The following PPEF2 variants were observed in gnomAD, a reference collection of about 807,000 sequenced individuals.
PPEF2 encodes protein phosphatase with EF-hand domain 2, also known as serine/threonine-protein phosphatase with EF-hands 2.
In PPEF2, 84 loss-of-function variants were observed where a neutral mutation model predicts 84.7. The ratio of observed to expected loss-of-function variants is 0.99; its 90% confidence interval spans 0.83 to 1.19. PPEF2 has a LOEUF of 1.19. Ranked by LOEUF, PPEF2 falls within the 50% of genes most tolerant of loss-of-function variation. The pLI is 0.00. For synonymous variants in PPEF2, 346 were observed against 345.2 expected (o/e 1.00, Z -0.03); for missense variants, 924 against 937.5 (o/e 0.99, Z 0.19).
intron 2 of PPEF2, among the ~76,000 whole-genome samples, chr4:75,895,858 G>T (rs545641091): frequency 6.6e-6 from 1 of 151,838 alleles, no homozygotes; most frequent in Admixed American, 6.6e-5. Flanking sequence ...TTACAGGTGT[G>T]ACCCACAACT....
intron 10 of PPEF2, chr4:75,881,389 C>T (rs1280368907): frequency 6.6e-6 from 1 of 152,082 alleles, no homozygotes; most frequent in Non-Finnish European, 1.5e-5. Context: ...TGAGCCATCA[C>T]ACCCGGCCCT....
intron 13 of PPEF2, among the ~76,000 whole-genome samples, chr4:75,868,890 T>C (rs1724199048): frequency 6.6e-6 from 1 of 152,086 alleles, no homozygotes; most frequent in East Asian, 1.9e-4. Flanking sequence ...ATGCCTGTAA[T>C]CTCAGTTACT....
At chr4:75,871,200 G>A (rs1323822769) in intron 13 of PPEF2, among the ~76,000 whole-genome samples, 4 of 152,056 alleles carry the variant, frequency 2.6e-5, no homozygotes, top group South Asian at 2.1e-4. Flanking sequence ...GATTACAGGC[G>A]TGAGCCACCG....
chr4:75,900,771 A>T (rs1358546183), intron 1 of PPEF2, among the ~76,000 whole-genome samples: 1 of 152,248 alleles, frequency 6.6e-6, no homozygotes. Flanking sequence ...AATAATTATC[A>T]GTAAAGAATC....
In PPEF2 at chr4:75,872,085, G is replaced by A; in HGVS notation, c.1589C>T (p.Thr530Ile). The change falls in exon 13 of 17, where the codon ACC becomes ATC. Residue 530 changes from threonine (T) to isoleucine (I), a missense_variant. Thr to Ile is a moderately conservative substitution (Grantham distance 89). Coordinates refer to ENST00000286719, the MANE Select transcript of PPEF2 (RefSeq NM_006239.3). ...GAYVKLGPAL[T>I]PHIVQYQANK... ...AGCTTGATACTGCACAATATGTGGG[G>A]TCAGGGCTGGCCCCAGTTTGACATA... The A allele has an allele frequency of 6.2e-7, 1 of 1,613,876 alleles. No individual in the cohort carries two copies. The highest frequency in any genetic ancestry group is 1.1e-5 in the South Asian group (1 of 91,058).
intron 1 of PPEF2, among the ~76,000 whole-genome samples, chr4:75,897,822 C>A (rs79066586): frequency 1.3e-5 from 2 of 152,104 alleles, no homozygotes; most frequent in Non-Finnish European, 2.9e-5. Flanking sequence ...CCTCGTCTGC[C>A]GAGACCAGCT....
At chr4:75,893,362 G>C (rs1724933804) in intron 2 of PPEF2, among the ~76,000 whole-genome samples, 1 of 152,188 alleles carries the variant, frequency 6.6e-6, no homozygotes, top group Non-Finnish European at 1.5e-5. Flanking sequence ...GCTGGGCATG[G>C]TGGCAGGCAT....
intron 12 of PPEF2, 63 bp downstream of exon 12, chr4:75,873,064 C>A: frequency 6.8e-7 from 1 of 1,468,924 alleles, no homozygotes. Flanking sequence ...CTCATCCAGG[C>A]CTGAGCCCTT....
intron 10 of PPEF2, 115 bp downstream of exon 10, chr4:75,882,811 T>A: frequency 8.4e-7 from 1 of 1,184,564 alleles, no homozygotes; most frequent in Non-Finnish European, 1.2e-6. Flanking sequence ...CTTAATGGCC[T>A]CCACACTCTT....
Position 75,876,293 on chromosome 4 carries a change from C to A in PPEF2, c.1314G>T (p.Trp438Cys). The A allele has an allele frequency of 6.2e-7, 1 of 1,602,084 alleles. No individual in the cohort carries two copies. Among genetic ancestry groups the A allele is most frequent in the Non-Finnish European group, 8.5e-7 (1 of 1,173,546 alleles). The change falls in exon 11 of 17, where the codon TGG becomes TGT. Residue 438 changes from tryptophan to cysteine, a missense_variant. By Grantham distance (215) the Trp-to-Cys change is radical. Coordinates refer to ENST00000286719, the MANE Select transcript of PPEF2 (RefSeq NM_006239.3). ...AGCGCCTGGCCACGCTCACCTGCCT[C>A]CACTCCTCCTGAGTGGGCTTCCGCA... is the stretch of plus-strand genomic sequence containing the variant. ...GELRKPTQEE[W>C]RQVVDILWSD...
Position 75,867,347 on chromosome 4 carries a change from G to T in PPEF2, c.1722C>A (p.Leu574=). Residue 574 remains leucine (L), a synonymous_variant, in exon 14 of 17, where the codon CTC becomes CTA. Coordinates refer to ENST00000286719, the MANE Select transcript of PPEF2 (RefSeq NM_006239.3). ...EKLFAHSSDL[L]SEFKKHDADK... ...CTGCATCATGCTTCTTAAATTCACT[G>T]AGAAGATCTGAAGAATGAGCAAACA... 1 of 1,613,772 alleles carries T rather than the reference G, an allele frequency of 6.2e-7. No individual in the cohort carries two copies. The highest frequency in any genetic ancestry group is 1.7e-5 in the Admixed American group (1 of 59,990).
intron 13 of PPEF2, among the ~76,000 whole-genome samples, chr4:75,867,738 T>C (rs187573631): frequency 2.6e-5 from 4 of 152,354 alleles, no homozygotes; most frequent in Admixed American, 2.0e-4. Flanking sequence ...CTGTCTCCAC[T>C]TCACAGGATT....
At chr4:75,876,094 C>T (rs774244720) in intron 11 of PPEF2, among the ~76,000 whole-genome samples, 193 bp downstream of exon 11, 2 of 152,210 alleles carry the variant, frequency 1.3e-5, no homozygotes, top group Non-Finnish European at 2.9e-5. Context: ...TAGAGCCTAA[C>T]AGCCACACAT....
intron 11 of PPEF2, among the ~76,000 whole-genome samples, chr4:75,873,823 G>C (rs1724344093): frequency 6.6e-6 from 1 of 151,156 alleles, no homozygotes; most frequent in Non-Finnish European, 1.5e-5. Flanking sequence ...AATTGCAGAA[G>C]AGGCCAGGCA....
At position 75,879,838 on chromosome 4, in the gene PPEF2, A is replaced by ATT. The variant is rs68095351; in HGVS notation, c.933+3086_933+3087dup. On this transcript the variant is annotated intron_variant, in intron 10 of 16. Transcript: ENST00000286719. ...TTTTAAAATGTTATTATTTACTTTT[A>ATT]TTTTTTTTTTGAGATAGGGGTCTCA... Among the ~76,000 whole-genome samples the ATT allele has an allele frequency of 6.3e-3, 946 of 149,452 alleles. 8 individuals carry two copies. The highest frequency in any genetic ancestry group is 0.039 in the South Asian group (186 of 4,734).
At chr4:75,885,723 A>G (rs961641060) in intron 7 of PPEF2, among the ~76,000 whole-genome samples, 1 of 152,052 alleles carries the variant, frequency 6.6e-6, no homozygotes, top group Non-Finnish European at 1.5e-5. Flanking sequence ...AAATTAGTCC[A>G]TCGTAGGCCA....
At chr4:75,890,488 CAAAA>C (rs10710879) in intron 4 of PPEF2, among the ~76,000 whole-genome samples, 13 of 124,582 alleles carry the variant, frequency 1.0e-4, no homozygotes, top group South Asian at 2.7e-4. Context: ...GACCCTGTCT[CAAAA>C]AAAAAAAAAA....
intron 2 of PPEF2, among the ~76,000 whole-genome samples, chr4:75,895,117 C>T (rs1199338687): frequency 2.1e-5 from 3 of 144,590 alleles, no homozygotes; most frequent in African/African-American, 7.7e-5. Flanking sequence ...CCACCACACC[C>T]AGCTAATTAA....
chr4:75,892,080 G>T, intron 2 of PPEF2, 102 bp from the exon 3 acceptor site: 7 of 1,451,372 alleles, frequency 4.8e-6, no homozygotes, highest in Non-Finnish European at 6.6e-6. Flanking sequence ...CACTGTATAT[G>T]TGAGGACAAG....
Sources: allele counts gnomAD v4.1 joint callset (sites outside exome capture counted in the v4.1 genomes callset), GRCh38; gene constraint gnomAD v4.1.1; transcripts MANE v1.5; gene names NCBI Gene and HGNC (gene_info 2026-07-23, HGNC 2026-07-21).